ADGRL3: variants seen among roughly 807,000 people sequenced by gnomAD.
ADGRL3 encodes the protein adhesion G protein-coupled receptor L3, also known as calcium-independent alpha-latrotoxin receptor 3.
In ADGRL3, 62 loss-of-function variants were observed where a neutral mutation model predicts 153.5. The ratio of observed to expected loss-of-function variants is 0.40; its 90% confidence interval spans 0.33 to 0.50. ADGRL3 has a LOEUF of 0.50. Among genes scored for constraint, ADGRL3 ranks in the 20% least tolerant of loss-of-function variants. ADGRL3 has a pLI of 0.47. For synonymous variants in ADGRL3, 710 were observed against 672.5 expected (o/e 1.06, Z -0.86); for missense variants, 1,641 against 1,859.4 (o/e 0.88, Z 2.16).
intron 4 of ADGRL3, among the ~76,000 whole-genome samples, chr4:61,524,965 G>C (rs967314757): frequency 6.6e-6 from 1 of 152,048 alleles, no homozygotes; most frequent in Non-Finnish European, 1.5e-5. Context: ...GTTTGGGAGA[G>C]ACAGTAATTT....
intron 2 of ADGRL3, among the ~76,000 whole-genome samples, chr4:61,446,333 C>T (rs1416882287): frequency 6.6e-6 from 1 of 152,124 alleles, no homozygotes; most frequent in African/African-American, 2.4e-5. Context: ...CTTTTCTATT[C>T]TTCTAGCAAA....
chr4:61,208,952 C>T (rs963327622), intron 1 of ADGRL3, among the ~76,000 whole-genome samples: 1 of 152,024 alleles, frequency 6.6e-6, no homozygotes, highest in African/African-American at 2.4e-5. Context: ...GTGAAAGAAG[C>T]TATACATTCC....
At chr4:61,761,835 G>A (rs1397811444) in intron 8 of ADGRL3, among the ~76,000 whole-genome samples, 8 of 152,176 alleles carry the variant, frequency 5.3e-5, no homozygotes, top group Non-Finnish European at 8.8e-5. Flanking sequence ...GGTGGCTGAC[G>A]TGAGAGGAGT....
intron 1 of ADGRL3, among the ~76,000 whole-genome samples, chr4:61,291,922 T>G (rs1272856276): frequency 8.1e-5 from 12 of 148,124 alleles, no homozygotes; most frequent in Non-Finnish European, 3.0e-5. Flanking sequence ...ATGATAATTT[T>G]TACAGGCTGA....
chr4:61,936,599 T>C (rs2098839446), intron 15 of ADGRL3, among the ~76,000 whole-genome samples: 1 of 152,072 alleles, frequency 6.6e-6, no homozygotes, highest in Non-Finnish European at 1.5e-5. Context: ...TCTTATAAAG[T>C]ATGTCCACAT....
chr4:61,677,850 G>A (rs1278970732), intron 6 of ADGRL3, among the ~76,000 whole-genome samples: 1 of 151,916 alleles, frequency 6.6e-6, no homozygotes, highest in Non-Finnish European at 1.5e-5. Context: ...TAAAGAAGCA[G>A]GACATTACTC....
chr4:62,029,449 G>A (rs1338767813), intron 22 of ADGRL3, among the ~76,000 whole-genome samples: 3 of 151,670 alleles, frequency 2.0e-5, no homozygotes, highest in Non-Finnish European at 4.4e-5. Flanking sequence ...TAATCTGTAT[G>A]AATATATTTC....
At chr4:61,622,147 C>A (rs975718076) in intron 5 of ADGRL3, among the ~76,000 whole-genome samples, 1 of 152,060 alleles carries the variant, frequency 6.6e-6, no homozygotes, top group South Asian at 2.1e-4. Flanking sequence ...TAAAAGTAGT[C>A]TTTTAAAGTA....
chr4:61,252,292 C>A (rs1759598977), intron 1 of ADGRL3, among the ~76,000 whole-genome samples: 1 of 152,060 alleles, frequency 6.6e-6, no homozygotes, highest in Admixed American at 6.6e-5. Flanking sequence ...TGTCTGTAAA[C>A]CCCTTTTAAA....
intron 5 of ADGRL3, among the ~76,000 whole-genome samples, chr4:61,608,415 A>G (rs2099041014): frequency 6.6e-6 from 1 of 152,220 alleles, no homozygotes. Context: ...TACAGTTGAC[A>G]TTATAAGTAA....
chr4:61,701,516 C>A (rs2151310140), intron 6 of ADGRL3, among the ~76,000 whole-genome samples: 1 of 143,746 alleles, frequency 7.0e-6, no homozygotes, highest in African/African-American at 2.6e-5. Context: ...CTCACTGCAA[C>A]CCCTGCCTCC....
rs561493838 is a variant in ADGRL3, at chr4:61,588,513, T to C, written c.473+1073T>C. ...GAATTATAATATGTCAGGTTTTTGA[T>C]GATTAAAGCACTGATGTGTACTTGA... On this transcript the variant is annotated intron_variant, in intron 5 of 26. Coordinates refer to ENST00000683033, the MANE Select transcript of ADGRL3 (RefSeq NM_001387552.1). 9.2e-5 allele frequency among the ~76,000 whole-genome samples: 14 copies of C among 152,148 alleles called. 1 individual carries two copies. The highest frequency in any genetic ancestry group is 3.1e-4 in the African/African-American group (13 of 41,578).
chr4:62,007,464 GTGTGTGTATA>G (rs1560498340), intron 21 of ADGRL3, among the ~76,000 whole-genome samples: 12 of 120,080 alleles, frequency 1.0e-4, no homozygotes, highest in Non-Finnish European at 1.7e-4. Context: ...ATACATATAT[GTGTGTGTATA>G]TATATATATA....
At chr4:61,333,211 A>G (rs1001406986) in intron 1 of ADGRL3, among the ~76,000 whole-genome samples, 1 of 152,166 alleles carries the variant, frequency 6.6e-6, no homozygotes, top group Admixed American at 6.6e-5. Flanking sequence ...TGGTGTACAT[A>G]GTACTGGTAT....
intron 21 of ADGRL3, among the ~76,000 whole-genome samples, chr4:62,023,501 C>T (rs2099247319): frequency 6.6e-6 from 1 of 152,124 alleles, no homozygotes; most frequent in African/African-American, 2.4e-5. Flanking sequence ...TGCAACCAAA[C>T]TGCATGACAT....
chr4:61,914,859 G>A (rs1402452511), intron 13 of ADGRL3, among the ~76,000 whole-genome samples: 1 of 152,038 alleles, frequency 6.6e-6, no homozygotes, highest in Admixed American at 6.6e-5. Flanking sequence ...TCCTGCTTTT[G>A]CTGTTTTCTC....
chr4:61,470,429 T>C (rs996506072), intron 2 of ADGRL3, among the ~76,000 whole-genome samples: 2 of 151,990 alleles, frequency 1.3e-5, no homozygotes, highest in African/African-American at 2.4e-5. Context: ...TTTTTGTTGT[T>C]AGTAATACTG....
At chr4:61,785,374 A>G (rs191621921) in intron 8 of ADGRL3, among the ~76,000 whole-genome samples, 1 of 152,312 alleles carries the variant, frequency 6.6e-6, no homozygotes, top group East Asian at 1.9e-4. Context: ...GGCAAAATTA[A>G]CTTCAACAAC....
intron 2 of ADGRL3, among the ~76,000 whole-genome samples, chr4:61,400,166 CTA>C (rs1179455759): frequency 1.3e-5 from 2 of 151,526 alleles, no homozygotes; most frequent in African/African-American, 2.4e-5. Context: ...AAGATTTTGC[CTA>C]TGTTATTTGC....
Sources: gnomAD v4.1 joint callset for allele counts (sites outside exome capture counted in the v4.1 genomes callset) on GRCh38, gnomAD v4.1.1 for gene constraint, MANE v1.5 for transcripts, NCBI Gene and HGNC (gene_info 2026-07-23, HGNC 2026-07-21) for gene names.